CILP: variants seen among roughly 807,000 people sequenced by gnomAD.
CILP encodes cartilage intermediate layer protein, also known as cartilage intermediate layer protein 1.
In CILP, 75 loss-of-function variants were observed where a neutral mutation model predicts 82.5. That is an observed-to-expected ratio of 0.91 (90% CI 0.75 to 1.10). The LOEUF is 1.10. Among genes scored for constraint, CILP ranks in the 50% least tolerant of loss-of-function variants. The probability of loss-of-function intolerance (pLI) is 0.00; values close to 1 mark genes in which losing one functional copy is unlikely to be tolerated. For synonymous variants in CILP, 530 were observed against 580.3 expected, an observed-to-expected ratio of 0.91 and a Z score of 1.25; for missense variants, 1,479 against 1,530.8, an observed-to-expected ratio of 0.97 and a Z score of 0.56.
At chr15:65,210,887 A>G (rs185375049) in intron 1 of CILP, among the ~76,000 whole-genome samples, 148 of 152,312 alleles carry the variant, frequency 9.7e-4, no homozygotes, top group African/African-American at 3.4e-3. Flanking sequence ...AAAGGCCTCC[A>G]CATTGTGTGT....
intron 1 of CILP, among the ~76,000 whole-genome samples, chr15:65,210,727 C>T (rs1360556932): frequency 2.6e-5 from 4 of 152,174 alleles, no homozygotes; most frequent in Admixed American, 2.6e-4. Flanking sequence ...GAAGAGTCCT[C>T]CTCTCTAAAA....
chr15:65,198,291 T>C lies in CILP; in HGVS notation c.1995A>G (p.Arg665=). The C allele has an allele frequency of 6.2e-7, 1 of 1,614,246 alleles. No homozygotes were observed. The highest frequency in any genetic ancestry group is 8.5e-7 in the Non-Finnish European group (1 of 1,180,052). The change falls in exon 9 of 9, where the codon AGA becomes AGG. Residue 665 remains arginine (R), a synonymous_variant. Coordinates refer to ENST00000261883, the MANE Select transcript of CILP (RefSeq NM_003613.4). ...RTYGMFSVDF[R]DEVTSEPLNA... ...TAAGTGGCTCTGAGGTGACCTCATC[T>C]CTGAAGTCCACAGAGAACATGCCAT...
rs372757485 is a variant in CILP at position 65,207,685 on chromosome 15, G to A, written c.141C>T (p.Ala47=). The A allele has an allele frequency of 2.2e-5, 36 of 1,613,922 alleles. No individual in the cohort carries two copies. The highest frequency in any genetic ancestry group is 4.4e-5 in the South Asian group (4 of 91,068). ...KKNPSIFAKP[A]DTLESPGEWT... is the part of the protein sequence containing the mutation. The stretch of plus-strand genomic sequence containing the variant: ...GCCACAACTCACTCTCCAGGGTGTC[G>A]GCAGGCTTGGCAAAGATGCTGGGGT... Residue 47 remains alanine, a synonymous_variant, in exon 3 of 9, where the codon GCC becomes GCT. Coordinates refer to ENST00000261883, the MANE Select transcript of CILP (RefSeq NM_003613.4).
rs746463351 is a variant in CILP, at chr15:65,205,398, A to G, written c.493T>C (p.Cys165Arg). Residue 165 changes from cysteine to arginine, a missense_variant, in exon 5 of 9, where the codon TGT becomes CGT. By Grantham distance (180) the Cys-to-Arg change is radical. Transcript: ENST00000261883. The part of the protein sequence containing the change: ...WSPWSKCSAA[C>R]GQTGVQTRTR... ...CGAGTCTGGACCCCAGTCTGACCAC[A>G]GGCAGCTGAGCACTTGCTCCAGGGA... is the stretch of plus-strand genomic sequence containing the variant. 1.7e-5 allele frequency: 27 copies of G among 1,613,948 alleles called. No individual in the cohort carries two copies. Among genetic ancestry groups the G allele is most frequent in the African/African-American group, 2.7e-5 (2 of 74,934 alleles).
In CILP at chr15:65,197,521, T is replaced by C. The variant is rs534033118; in HGVS notation, c.2765A>G (p.Tyr922Cys). 3.1e-6 allele frequency: 5 copies of C among 1,614,222 alleles called. No individual in the cohort carries two copies. The South Asian group carries it at 4.4e-5, about 14-fold the overall frequency. ...FRFYQIEGDR[Y>C]DYNTVPFNED... ...GTTGAAGGGGACTGTGTTGTAGTCA[T>C]ATCGATCCCCCTCAATCTGGTAGAA... Residue 922 changes from tyrosine (Y) to cysteine (C), a missense_variant, in exon 9 of 9, where the codon TAT becomes TGT. Tyr to Cys is a radical substitution (Grantham distance 194). Transcript: ENST00000261883.
At position 65,198,633 on chromosome 15, in the gene CILP, G is replaced by A. The variant is rs1176052238; in HGVS notation, c.1653C>T (p.Thr551=). ...TCTTGTTGAAAGGTAGCACTTTGGT[G>A]GTGTTGACAAACTTCTGCAGCCTGT... The part of the protein sequence containing the change: ...FVDRLQKFVN[T]TKVLPFNKKG... Residue 551 remains threonine, a synonymous_variant, in exon 9 of 9, where the codon ACC becomes ACT. Coordinates refer to ENST00000261883, the MANE Select transcript of CILP (RefSeq NM_003613.4). The A allele has an allele frequency of 5.6e-6, 9 of 1,614,116 alleles. No individual in the cohort carries two copies. In the African/African-American group the frequency reaches 6.7e-5, roughly 12 times the overall value.
Position 65,209,838 on chromosome 15 carries a change from G to T in CILP, c.-83C>A. ...CACTGACTCTGGAATGCGGTCCCCT[G>T]GGAAGTTTCTCAGATCCAGTGACCT... On this transcript the variant is annotated 5_prime_UTR_variant, in exon 2 of 9. Coordinates refer to ENST00000261883, the MANE Select transcript of CILP (RefSeq NM_003613.4). 7.9e-7 allele frequency: 1 copy of T among 1,260,374 alleles called. No individual in the cohort carries two copies. The allele number at this position is 1,260,374 out of a possible 1,614,324, so 78.1% of individuals were successfully genotyped here.
chr15:65,206,993 A>C lies in CILP; in HGVS notation c.213T>G (p.Tyr71Ter). 2 of 1,614,058 alleles carry C rather than the reference A, an allele frequency of 1.2e-6. No individual in the cohort carries two copies. Among genetic ancestry groups the C allele is most frequent in the Non-Finnish European group, 8.5e-7 (1 of 1,180,020 alleles). ...NIDYPGGKGD[Y>*]ERLDAIRFYY... Reference sequence around the variant, plus strand: ...AGAAGCGAATGGCGTCCAGCCGCTCATAGTCGCCCTTCCCGCCTGGGTAGT... The same window carrying C: ...AGAAGCGAATGGCGTCCAGCCGCTCCTAGTCGCCCTTCCCGCCTGGGTAGT... Residue 71 changes from tyrosine to a stop codon, truncating the protein, a stop_gained, in exon 4 of 9, where the codon TAT (tyrosine) becomes TAG (stop). Transcript: ENST00000261883. LOFTEE classifies it high-confidence loss of function.
In CILP at chr15:65,199,633, G is replaced by A. The variant is rs371808454; in HGVS notation, c.1187-534C>T. On this transcript the variant is annotated intron_variant, in intron 8 of 8. Transcript: ENST00000261883. ...AGCCTAGGAGTTCGAGACCAGCCAG[G>A]GCAACATGATGAAACCCTGTCTCTA... Among the ~76,000 whole-genome samples the A allele has an allele frequency of 9.2e-5, 14 of 152,264 alleles. No individual in the cohort carries two copies. In the East Asian group the frequency reaches 1.4e-3, roughly 15 times the overall value.
chr15:65,207,022 T>C lies in CILP; in HGVS notation c.184A>G (p.Ile62Val). Residue 62 changes from isoleucine to valine, a missense_variant, in exon 4 of 9, where the codon ATC (isoleucine) becomes GTC (valine). Coordinates refer to ENST00000261883, the MANE Select transcript of CILP (RefSeq NM_003613.4). ...TCGCCCTTCCCGCCTGGGTAGTCGA[T>C]GTTGAACCATGTTGTCCACTCACCA... ...SPGEWTTWFN[I>V]DYPGGKGDYE... is the part of the protein sequence containing the mutation. 6.2e-7 allele frequency: 1 copy of C among 1,613,722 alleles called. No individual in the cohort carries two copies. Among genetic ancestry groups the C allele is most frequent in the East Asian group, 2.2e-5 (1 of 44,866 alleles).
At chr15:65,207,861 A>T (rs2088535344) in intron 2 of CILP, 97 bp from the exon 3 acceptor site, 4 of 1,022,348 alleles carry the variant, frequency 3.9e-6, no homozygotes, top group Admixed American at 3.8e-5. Flanking sequence ...TGAATGGAGC[A>T]TGAGCACCAG....
Position 65,197,969 on chromosome 15 carries a change from C to A in CILP, c.2317G>T (p.Val773Phe), listed in dbSNP as rs774370686. ...RFLPSEQIQG[V>F]VISVINLEPR... ...TCCAGGTTAATCACGGAGATCACAACCCCCTGGATCTGCTCACTAGGCAAG... is the reference window on the plus strand; with the variant it reads ...TCCAGGTTAATCACGGAGATCACAAACCCCTGGATCTGCTCACTAGGCAAG... The change falls in exon 9 of 9, where the codon GTT becomes TTT. Residue 773 changes from valine (V) to phenylalanine (F), a missense_variant. By Grantham distance (50) the Val-to-Phe change is conservative. Transcript: ENST00000261883. 12 of 1,614,034 alleles carry A rather than the reference C, an allele frequency of 7.4e-6. No homozygotes were observed. The highest frequency in any genetic ancestry group is 1.7e-5 in the Admixed American group (1 of 59,994).
intron 3 of CILP, 140 bp downstream of exon 3, chr15:65,207,532 C>A (rs1333980757): frequency 8.7e-6 from 6 of 690,914 alleles, no homozygotes; most frequent in Non-Finnish European, 1.5e-5. Context: ...AGTTCCTTGG[C>A]TGGACAGAGA....
In CILP at chr15:65,197,770, G is replaced by A. The variant is rs1312274534; in HGVS notation, c.2516C>T (p.Ser839Phe). Residue 839 changes from serine (S) to phenylalanine (F), a missense_variant, in exon 9 of 9, where the codon TCT becomes TTT. Coordinates refer to ENST00000261883, the MANE Select transcript of CILP (RefSeq NM_003613.4). ...AATTGCATTTGGGTTGAATTTAGGA[G>A]AAGACTCCACTGCTTGCAGTTCCTC... ...AGEELQAVES[S>F]PKFNPNAIGV... is the part of the protein sequence containing the mutation. 1 of 1,612,850 alleles carries A rather than the reference G, an allele frequency of 6.2e-7. No individual in the cohort carries two copies. The highest frequency in any genetic ancestry group is 1.7e-5 in the Admixed American group (1 of 60,024).
In CILP at chr15:65,197,300, T is replaced by G; in HGVS notation, c.2986A>C (p.Arg996=). The stretch of plus-strand genomic sequence containing the variant: ...GCAGCTGAGACATTGGGCTGGTCCC[T>G]GTCCCGAGTGCTCCTCACATCTCGG... ...GIRDVRSTRD[R]DQPNVSAACL... The change falls in exon 9 of 9, where the codon AGG becomes CGG. Residue 996 remains arginine (R), a synonymous_variant. Coordinates refer to ENST00000261883, the MANE Select transcript of CILP (RefSeq NM_003613.4). 6.2e-7 allele frequency: 1 copy of G among 1,614,078 alleles called. No homozygotes were observed. Among genetic ancestry groups the G allele is most frequent in the Non-Finnish European group, 8.5e-7 (1 of 1,180,000 alleles).
intron 5 of CILP, among the ~76,000 whole-genome samples, chr15:65,205,009 ACT>A (rs2088501847): frequency 6.6e-6 from 1 of 151,950 alleles, no homozygotes; most frequent in Non-Finnish European, 1.5e-5. Flanking sequence ...ATGGAGCAAG[ACT>A]CTGTCTCAAA....
chr15:65,197,739 G>A lies in CILP; in HGVS notation c.2547C>T (p.Val849=). The change falls in exon 9 of 9, where the codon GTC becomes GTT. Residue 849 remains valine, a synonymous_variant. Transcript: ENST00000261883. ...TGAGCTTGTTGAGATAGGGCTGAGG[G>A]ACGCCAATTGCATTTGGGTTGAATT... The part of the protein sequence containing the change: ...SPKFNPNAIG[V]PQPYLNKLNY... 6.2e-7 allele frequency: 1 copy of A among 1,612,404 alleles called. No individual in the cohort carries two copies. The highest frequency in any genetic ancestry group is 1.3e-5 in the African/African-American group (1 of 75,048).
rs1315726914 is a variant in CILP at position 65,195,597 on chromosome 15, A to G, written c.*1134T>C. ...TGAACATCTTTAGAAGAGCATAAAG[A>G]AAAAAGTAAAAGCCCATTTCTGAGT... On this transcript the variant is annotated 3_prime_UTR_variant, in exon 9 of 9. Coordinates refer to ENST00000261883, the MANE Select transcript of CILP (RefSeq NM_003613.4). The G allele has an allele frequency of 1.3e-5, 2 of 152,248 alleles. No individual in the cohort carries two copies. The highest frequency in any genetic ancestry group is 2.9e-5 in the Non-Finnish European group (2 of 68,042). The allele number at this position is 152,248 out of a possible 1,614,324, so 9.4% of individuals were successfully genotyped here.
intron 4 of CILP, among the ~76,000 whole-genome samples, chr15:65,206,239 T>C (rs960536728): frequency 6.6e-6 from 1 of 152,020 alleles, no homozygotes; most frequent in African/African-American, 2.4e-5. Context: ...GTTGTAAAGG[T>C]TGAATAAAGT....
Sources: allele counts gnomAD v4.1 joint callset (sites outside exome capture counted in the v4.1 genomes callset), GRCh38; gene constraint gnomAD v4.1.1; transcripts MANE v1.5; gene names NCBI Gene and HGNC (gene_info 2026-07-23, HGNC 2026-07-21).